Variants in PIGX observed in about 807,000 individuals in gnomAD.
The protein encoded by PIGX is phosphatidylinositol glycan anchor biosynthesis class X.
Under a neutral mutation model 28.7 loss-of-function variants are expected in PIGX, and 24 were observed. That is an observed-to-expected ratio of 0.84 (90% CI 0.60 to 1.17). The LOEUF is 1.17. Among genes scored for constraint, PIGX ranks in the 50% most tolerant of loss-of-function variants. The pLI is 0.00. For synonymous variants in PIGX, 127 were observed against 121.0 expected (o/e 1.05, Z -0.33); for missense variants, 305 against 317.8 (o/e 0.96, Z 0.31).
At chr3:196,723,297 C>T (rs1577674536) in intron 3 of PIGX, among the ~76,000 whole-genome samples, 2 of 152,166 alleles carry the variant, frequency 1.3e-5, no homozygotes, top group East Asian at 3.9e-4. Flanking sequence ...GCCGAGATCG[C>T]ATCATTGCAC....
At chr3:196,724,918 A>C (rs868217267) in intron 3 of PIGX, among the ~76,000 whole-genome samples, 1 of 152,184 alleles carries the variant, frequency 6.6e-6, no homozygotes, top group African/African-American at 2.4e-5. Flanking sequence ...CTGCTCCAGG[A>C]AATAAAATTT....
chr3:196,722,375 T>C (rs1238861561), intron 2 of PIGX, 40 bp from the exon 3 acceptor site: 2 of 1,481,686 alleles, frequency 1.3e-6, no homozygotes, highest in East Asian at 2.3e-5. Context: ...CATTTAACAG[T>C]TGAATGAAGA....
intron 5 of PIGX, among the ~76,000 whole-genome samples, 176 bp downstream of exon 5, chr3:196,731,268 A>G (rs1351712807): frequency 2.7e-5 from 4 of 150,914 alleles, no homozygotes; most frequent in African/African-American, 9.8e-5. Flanking sequence ...GCCTCCGCCT[A>G]CCAGGTTCAA....
chr3:196,720,441 T>G (rs1322009582), intron 2 of PIGX, among the ~76,000 whole-genome samples: 2 of 152,272 alleles, frequency 1.3e-5, no homozygotes, highest in East Asian at 3.8e-4. Flanking sequence ...GCTTATTTGT[T>G]CATTGTTGAT....
At chr3:196,714,945 G>A (rs897866496) in intron 1 of PIGX, among the ~76,000 whole-genome samples, 11 of 152,106 alleles carry the variant, frequency 7.2e-5, no homozygotes, top group South Asian at 2.1e-4. Flanking sequence ...GCGTAGTGGC[G>A]CGTGCCTGTA....
In PIGX at chr3:196,727,866, TTA is replaced by T. The variant is rs1712589530; in HGVS notation, c.319-56_319-55del. ...TATATAGTCTTCTGGTTTTAACTTTTTAAAAATCTTCCTCATTCATTTCTTCT... is the reference window on the plus strand; with the variant it reads ...TATATAGTCTTCTGGTTTTAACTTTTAAAATCTTCCTCATTCATTTCTTCT... On this transcript the variant is annotated intron_variant, in intron 3 of 5. Coordinates refer to ENST00000392391, the MANE Select transcript of PIGX (RefSeq NM_017861.4). 2.3e-6 allele frequency: 3 copies of T among 1,293,188 alleles called. No individual in the cohort carries two copies. The South Asian group carries it at 3.9e-5, about 17-fold the overall frequency. The allele number at this position is 1,293,188 out of a possible 1,614,324, so 80.1% of individuals were successfully genotyped here.
intron 3 of PIGX, among the ~76,000 whole-genome samples, chr3:196,725,125 C>G (rs1454045899): frequency 1.3e-5 from 2 of 152,118 alleles, no homozygotes; most frequent in East Asian, 3.8e-4. Context: ...ATTTTTTCAT[C>G]AGAAGTCTCT....
At chr3:196,716,803 A>C in intron 1 of PIGX, 55 bp from the exon 2 acceptor site, 2 of 824,216 alleles carry the variant, frequency 2.4e-6, no homozygotes, top group Non-Finnish European at 3.6e-6. Context: ...AATTATTTAA[A>C]TATTATTTTA....
intron 2 of PIGX, among the ~76,000 whole-genome samples, chr3:196,717,428 C>T (rs1461799890): frequency 1.3e-5 from 2 of 152,124 alleles, no homozygotes; most frequent in Admixed American, 6.5e-5. Flanking sequence ...TTGTTTACCA[C>T]GTACAGTTGT....
chr3:196,716,776 T>TA, intron 1 of PIGX, 82 bp from the exon 2 acceptor site: 1 of 653,914 alleles, frequency 1.5e-6, no homozygotes, highest in East Asian at 3.4e-5. Flanking sequence ...TAAAGCCTAC[T>TA]AAAATAACTC....
At position 196,712,542 on chromosome 3, in the gene PIGX, C is replaced by G. The variant is rs1262448817; in HGVS notation, c.10C>G (p.Arg4Gly). The G allele has an allele frequency of 3.4e-6, 4 of 1,172,310 alleles. No individual in the cohort carries two copies. The highest frequency in any genetic ancestry group is 4.2e-6 in the Non-Finnish European group (4 of 949,540). The allele number at this position is 1,172,310 out of a possible 1,614,324, so 72.6% of individuals were successfully genotyped here. A position where few individuals can be genotyped will look rare whatever the true frequency, so the allele number is the denominator to read the frequency against. Residue 4 changes from arginine to glycine, a missense_variant, in exon 1 of 6, where the codon CGG becomes GGG. By Grantham distance (125) the Arg-to-Gly change is moderately radical. Transcript: ENST00000392391. The stretch of plus-strand genomic sequence containing the variant: ...TCCGGCTTCCGGCGTCCTGGCGGCT[C>G]GGGTGGCGGCGGTTCGGGCGGCCGC...
chr3:196,714,221 T>A (rs112394301), intron 1 of PIGX, among the ~76,000 whole-genome samples: 7 of 152,274 alleles, frequency 4.6e-5, no homozygotes, highest in African/African-American at 1.7e-4. Flanking sequence ...TCTAACACAT[T>A]GGGAGGCTGA....
chr3:196,729,358 A>T (rs1403326004), intron 4 of PIGX, among the ~76,000 whole-genome samples: 1 of 152,012 alleles, frequency 6.6e-6, no homozygotes, highest in African/African-American at 2.4e-5. Context: ...TAAAAAAAAT[A>T]AAAAGCTTTT....
chr3:196,723,649 G>A (rs1027827827), intron 3 of PIGX, among the ~76,000 whole-genome samples: 32 of 148,924 alleles, frequency 2.1e-4, no homozygotes, highest in African/African-American at 7.5e-4. Flanking sequence ...TTGTGGGTAC[G>A]CAGTAGGTAT....
At chr3:196,725,864 T>C (rs919546033) in intron 3 of PIGX, among the ~76,000 whole-genome samples, 1 of 152,192 alleles carries the variant, frequency 6.6e-6, no homozygotes, top group Admixed American at 6.5e-5. Flanking sequence ...GCTTTAGTCC[T>C]GCATAACAAA....
chr3:196,721,810 G>A (rs1490543467), intron 2 of PIGX, among the ~76,000 whole-genome samples: 1 of 151,248 alleles, frequency 6.6e-6, no homozygotes, highest in Non-Finnish European at 1.5e-5. Flanking sequence ...TGGAGTACAG[G>A]GGCATGATCT....
chr3:196,733,191 A>T lies in PIGX; in HGVS notation c.634-568A>T, dbSNP rs1712880023. 6.6e-6 allele frequency among the ~76,000 whole-genome samples: 1 copy of T among 152,218 alleles called. No individual in the cohort carries two copies. Among genetic ancestry groups the T allele is most frequent in the Non-Finnish European group, 1.5e-5 (1 of 68,038 alleles). ...ACTTTATGTAAAAAGCAGAAAAATC[A>T]GAACTAATGAGATTTAACAAATTAT... On this transcript the variant is annotated intron_variant, in intron 5 of 5. Coordinates refer to ENST00000392391, the MANE Select transcript of PIGX (RefSeq NM_017861.4). This position sits in a 1 kb window ranked among gnomAD's most constrained non-coding sequence, Gnocchi z 4.3.
At chr3:196,717,501 A>G (rs1218450296) in intron 2 of PIGX, among the ~76,000 whole-genome samples, 1 of 152,106 alleles carries the variant, frequency 6.6e-6, no homozygotes, top group Admixed American at 6.6e-5. Context: ...AAGTCCTCAG[A>G]TGCTCAAGTT....
Position 196,732,237 on chromosome 3 carries a change from TA to T in PIGX, c.633+1146del, listed in dbSNP as rs1560080539. On this transcript the variant is annotated intron_variant, in intron 5 of 5. Transcript: ENST00000392391. ...TTATTTATATATATATATATATATA[TA>T]TATATATATATATATATATTTTATT... Among the ~76,000 whole-genome samples the T allele has an allele frequency of 1.1e-3, 69 of 63,186 alleles. 4 individuals carry two copies. Among genetic ancestry groups the T allele is most frequent in the African/African-American group, 4.8e-3 (65 of 13,670 alleles). The allele number at this position is 63,186 out of a possible 152,430, so 41.5% of individuals were successfully genotyped here.
Sources: gnomAD v4.1 joint callset for allele counts (sites outside exome capture counted in the v4.1 genomes callset) on GRCh38, gnomAD v4.1.1 for gene constraint, Gnocchi (gnomAD v3.1) non-coding constraint, MANE v1.5 for transcripts, NCBI Gene and HGNC (gene_info 2026-07-23, HGNC 2026-07-21) for gene names.